The following CTDP1 variants were observed in gnomAD, a reference collection of about 807,000 sequenced individuals.
CTDP1 encodes the protein RNA polymerase II subunit A C-terminal domain phosphatase.
In CTDP1, 47 loss-of-function variants were observed where a neutral mutation model predicts 91.8. The observed-to-expected ratio is 0.51, with a 90% CI of 0.41 to 0.65. The LOEUF is 0.65. Ranked by LOEUF, CTDP1 falls within the 30% of genes least tolerant of loss-of-function variation. CTDP1 has a pLI of 0.00. For synonymous variants in CTDP1, 656 were observed against 598.5 expected (o/e 1.10, Z -1.40); for missense variants, 1,272 against 1,373.7 (o/e 0.93, Z 1.17).
chr18:79,718,918 A>G (rs958379953), intron 10 of CTDP1, among the ~76,000 whole-genome samples: 1 of 151,998 alleles, frequency 6.6e-6, no homozygotes, highest in Non-Finnish European at 1.5e-5. Flanking sequence ...GTTAATGGGG[A>G]GATGGAGAGG....
At chr18:79,701,640 CAG>C (rs1190881414) in intron 4 of CTDP1, among the ~76,000 whole-genome samples, 5 of 152,170 alleles carry the variant, frequency 3.3e-5, no homozygotes, top group East Asian at 1.9e-4. Flanking sequence ...GAAAATCAAA[CAG>C]AAAATCCTTC....
chr18:79,717,459 G>A, intron 8 of CTDP1, 76 bp from the exon 9 acceptor site: 1 of 1,596,654 alleles, frequency 6.3e-7, no homozygotes, highest in Non-Finnish European at 8.5e-7. Flanking sequence ...TGAGGGCCCT[G>A]GTGGGTGCAG....
At position 79,714,974 on chromosome 18, in the gene CTDP1, C is replaced by T. The variant is rs756655927; in HGVS notation, c.1514C>T (p.Pro505Leu). 7 of 1,569,804 alleles carry T rather than the reference C, an allele frequency of 4.5e-6. No individual in the cohort carries two copies. Among genetic ancestry groups the T allele is most frequent in the African/African-American group, 2.7e-5 (2 of 74,314 alleles). ...GALAQGSSLE[P>L]GRPAAPSLPG... ...CTGGCACAGGGCAGTTCCCTGGAGC[C>T]GGGGCGGCCTGCAGCACCGAGTCTC... The change falls in exon 8 of 13, where the codon CCG becomes CTG. Residue 505 changes from proline (P) to leucine (L), a missense_variant. Pro to Leu is a moderately conservative substitution (Grantham distance 98). Transcript: ENST00000613122.
intron 12 of CTDP1, among the ~76,000 whole-genome samples, chr18:79,736,775 C>T (rs1036138904): frequency 6.6e-6 from 1 of 151,324 alleles, no homozygotes; most frequent in Non-Finnish European, 1.5e-5. Context: ...TCTGCGCAGG[C>T]GTGTGTGGGG....
intron 6 of CTDP1, among the ~76,000 whole-genome samples, chr18:79,711,255 T>C (rs1315128644): frequency 6.6e-6 from 1 of 152,208 alleles, no homozygotes; most frequent in Non-Finnish European, 1.5e-5. Flanking sequence ...CCCTGGCATA[T>C]GTGATCATTC....
chr18:79,719,988 G>T (rs1289987625), intron 10 of CTDP1, among the ~76,000 whole-genome samples: 1 of 144,080 alleles, frequency 6.9e-6, no homozygotes, highest in African/African-American at 2.6e-5. Flanking sequence ...GTGTCCTGGT[G>T]ACGATGTCAT....
chr18:79,719,460 C>T (rs1182399894), intron 10 of CTDP1, among the ~76,000 whole-genome samples: 2 of 152,082 alleles, frequency 1.3e-5, no homozygotes, highest in African/African-American at 2.4e-5. Context: ...GAAGAGGATC[C>T]CCAGCCACAG....
At position 79,715,041 on chromosome 18, in the gene CTDP1, G is replaced by C. The variant is rs752663253; in HGVS notation, c.1581G>C (p.Glu527Asp). ...CTGGCGCGCATGCCCCGGACAAGGAGCCTGAGCTGGGTGGGCAGGAGGAGG... is the reference window on the plus strand; with the variant it reads ...CTGGCGCGCATGCCCCGGACAAGGACCCTGAGCTGGGTGGGCAGGAGGAGG... ...AEPGAHAPDK[E>D]PELGGQEEGE... The change falls in exon 8 of 13, where the codon GAG becomes GAC. Residue 527 changes from glutamate (E) to aspartate (D), a missense_variant. Coordinates refer to ENST00000613122, the MANE Select transcript of CTDP1 (RefSeq NM_004715.5). 6.2e-7 allele frequency: 1 copy of C among 1,608,584 alleles called. No individual in the cohort carries two copies. The highest frequency in any genetic ancestry group is 8.5e-7 in the Non-Finnish European group (1 of 1,178,206).
chr18:79,687,035 CCG>C, intron 1 of CTDP1, among the ~76,000 whole-genome samples: 3 of 86,424 alleles, frequency 3.5e-5, no homozygotes, highest in Admixed American at 1.1e-4. Context: ...TGGGCCTGCA[CCG>C]CAGCAGTTGA....
At chr18:79,746,484 G>A (rs185280816) in intron 12 of CTDP1, among the ~76,000 whole-genome samples, 24 of 152,360 alleles carry the variant, frequency 1.6e-4, no homozygotes, top group African/African-American at 5.1e-4. Context: ...CACATAGCAC[G>A]CGGAGTTTTG....
chr18:79,706,543 TC>T (rs1361310498), intron 5 of CTDP1, among the ~76,000 whole-genome samples: 4 of 151,344 alleles, frequency 2.6e-5, no homozygotes, highest in African/African-American at 9.7e-5. Context: ...TCCATGGCTG[TC>T]CCCTATTCTC....
intron 1 of CTDP1, 129 bp downstream of exon 1, chr18:79,680,390 G>T: frequency 1.4e-6 from 1 of 714,172 alleles, no homozygotes; most frequent in Non-Finnish European, 1.9e-6. Context: ...GCGGGACGCA[G>T]GCACTGCGCT....
rs1008689638 is a variant in CTDP1 at position 79,753,956 on chromosome 18, TAAG to T, written c.*170_*172del. 3 of 965,312 alleles carry T rather than the reference TAAG, an allele frequency of 3.1e-6. No homozygotes were observed. Among genetic ancestry groups the T allele is most frequent in the Admixed American group, 4.9e-5 (2 of 40,586 alleles). 59.8% of individuals were successfully genotyped at this position (965,312 alleles called of 1,614,324 possible). Reference sequence around the variant, plus strand: ...ATTATTTTGCAGAAATAGGTGTTTTTAAGAAGTTTTACTACAGGAATGTCTACT... The same window carrying T: ...ATTATTTTGCAGAAATAGGTGTTTTTAAGTTTTACTACAGGAATGTCTACT... On this transcript the variant is annotated 3_prime_UTR_variant, in exon 13 of 13. Transcript: ENST00000613122.
intron 1 of CTDP1, among the ~76,000 whole-genome samples, chr18:79,688,178 C>T (rs560952867): frequency 3.9e-5 from 6 of 152,364 alleles, no homozygotes; most frequent in South Asian, 2.1e-4. Flanking sequence ...CCACAGCTGA[C>T]GACTGCACTG....
rs1340791342 is a variant in CTDP1 at position 79,713,519 on chromosome 18, C to T, written c.1030+381C>T. Among the ~76,000 whole-genome samples the T allele has an allele frequency of 1.3e-5, 2 of 152,174 alleles. No homozygotes were observed. Among genetic ancestry groups the T allele is most frequent in the African/African-American group, 2.4e-5 (1 of 41,452 alleles). ...GTGGCTCTGCGGGGAATAACCGTTC[C>T]CCATGCGCAGTGGTCAGGCTGGGCG... On this transcript the variant is annotated intron_variant, in intron 7 of 12. Coordinates refer to ENST00000613122, the MANE Select transcript of CTDP1 (RefSeq NM_004715.5). The surrounding 1 kb of genome is among the most constrained non-coding windows in gnomAD (Gnocchi z 4.7).
chr18:79,753,424 G>A (rs1423099615), intron 12 of CTDP1, among the ~76,000 whole-genome samples: 1 of 152,230 alleles, frequency 6.6e-6, no homozygotes, highest in African/African-American at 2.4e-5. Context: ...CTTTGTCAGT[G>A]GTGTCCTGGT....
chr18:79,698,776 G>T (rs941147102), intron 4 of CTDP1, among the ~76,000 whole-genome samples: 1 of 152,170 alleles, frequency 6.6e-6, no homozygotes, highest in African/African-American at 2.4e-5. Flanking sequence ...AGTTCTAAAG[G>T]TTCCTGGGGA....
At chr18:79,733,945 T>C (rs151166326) in intron 11 of CTDP1, among the ~76,000 whole-genome samples, 51 of 152,384 alleles carry the variant, frequency 3.3e-4, no homozygotes, top group African/African-American at 1.2e-3. Context: ...TACATACTTT[T>C]AAATTTTCCT....
In CTDP1 at chr18:79,715,330, A is replaced by G. The variant is rs2086183204; in HGVS notation, c.1870A>G (p.Lys624Glu). The change falls in exon 8 of 13, where the codon AAG becomes GAG. Residue 624 changes from lysine (K) to glutamate (E), a missense_variant. This residue lies in a region of CTDP1 where 881 missense variants were observed against 911.6 expected (regional missense o/e 0.97). Transcript: ENST00000613122. ...GATCGAGGAGGCGCCGGACATCCGC[A>G]AGATCGTGCCGGAGCTCAAGAGCAA... The part of the protein sequence containing the change: ...KEIEEAPDIR[K>E]IVPELKSKVL... The G allele has an allele frequency of 1.9e-6, 3 of 1,609,126 alleles. No homozygotes were observed. The highest frequency in any genetic ancestry group is 1.7e-6 in the Non-Finnish European group (2 of 1,177,730).
Sources: gnomAD v4.1 joint callset for allele counts (sites outside exome capture counted in the v4.1 genomes callset) on GRCh38, gnomAD v4.1.1 for gene constraint, gnomAD v4.1.1 regional missense constraint, Gnocchi (gnomAD v3.1) non-coding constraint, MANE v1.5 for transcripts, NCBI Gene and HGNC (gene_info 2026-07-23, HGNC 2026-07-21) for gene names.